Variants in SNRPN observed in about 807,000 individuals in gnomAD.
The protein encoded by SNRPN is small nuclear ribonucleoprotein polypeptide N.
SNRPN carries 7 observed loss-of-function variants against 25.2 expected under a neutral mutation model. That is an observed-to-expected ratio of 0.28 (90% CI 0.16 to 0.52). The LOEUF (loss-of-function observed/expected upper bound fraction) is 0.52. SNRPN is among the 20% of genes least tolerant of loss of function. SNRPN has a pLI of 0.96. For missense variants in SNRPN, 196 were observed against 322.5 expected (o/e 0.61, Z 3.00); for synonymous variants, 124 against 110.6 (o/e 1.12, Z -0.76).
At position 24,835,125 on chromosome 15, in the gene SNRPN, AATAT is replaced by A. The variant is rs372077126; in HGVS notation, c.-579+5224_-579+5227del. On this transcript the variant is annotated intron_variant, in intron 2 of 12. Coordinates refer to the SNRPN transcript ENST00000400100. ...ATATATACTATATATCTATATATAA[AATAT>A]ATAGATATATATACTATATATAAAA... is the stretch of plus-strand genomic sequence containing the variant. 1.5e-4 allele frequency among the ~76,000 whole-genome samples: 9 copies of A among 60,758 alleles called. 1 individual carries two copies. The highest frequency in any genetic ancestry group is 3.1e-4 in the Non-Finnish European group (9 of 28,596). The allele number at this position is 60,758 out of a possible 152,430, so 39.9% of individuals were successfully genotyped here. A position where few individuals can be genotyped will look rare whatever the true frequency, so the allele number is the denominator to read the frequency against.
chr15:24,939,132 AT>A (rs1240298525), intron 3 of SNRPN, among the ~76,000 whole-genome samples: 1 of 151,886 alleles, frequency 6.6e-6, no homozygotes, highest in Non-Finnish European at 1.5e-5. Context: ...CTTCTGTTGC[AT>A]TTTTTTTAGG....
At chr15:24,910,837 G>A (rs2059167071) in intron 2 of SNRPN, 1 of 556,490 alleles carries the variant, frequency 1.8e-6, no homozygotes, top group Admixed American at 2.8e-5. Flanking sequence ...TGTTTATTGA[G>A]ATGGTTTCCC....
chr15:24,928,107 G>A (rs116506364), intron 3 of SNRPN, among the ~76,000 whole-genome samples: 2,662 of 152,228 alleles, frequency 0.017, 79 homozygotes, highest in African/African-American at 0.061. Context: ...GCAGATGACA[G>A]GGAACTCTCC....
intron 1 of SNRPN, among the ~76,000 whole-genome samples, chr15:24,959,915 G>T (rs1424245863): frequency 6.6e-6 from 1 of 152,140 alleles, no homozygotes; most frequent in African/African-American, 2.4e-5. Flanking sequence ...TTGAAATTTT[G>T]TCTTTTTGGA....
Position 24,887,437 on chromosome 15 carries a change from C to T in SNRPN, c.-505+848C>T, listed in dbSNP as rs190940225. On this transcript the variant is annotated intron_variant, in intron 2 of 11. Transcript: ENST00000400097. ...TGCTGGGATTACCAGCATGAGCCAT[C>T]GCACCTGGCCTCACTGAGGTCTTAA... Among the ~76,000 whole-genome samples the T allele has an allele frequency of 5.4e-5, 8 of 148,994 alleles. No individual in the cohort carries two copies. The East Asian group carries it at 1.5e-3, about 28-fold the overall frequency.
At chr15:24,860,765 A>G (rs2053917768) in intron 1 of SNRPN, among the ~76,000 whole-genome samples, 3 of 152,234 alleles carry the variant, frequency 2.0e-5, no homozygotes, top group Admixed American at 6.5e-5. Context: ...CACTCAAAGT[A>G]TAGTTTCCAT....
chr15:24,841,412 A>G (rs572533844), intron 2 of SNRPN, among the ~76,000 whole-genome samples: 1 of 152,270 alleles, frequency 6.6e-6, no homozygotes, highest in East Asian at 1.9e-4. Flanking sequence ...CCACAAGTAC[A>G]TAAGCATTGT....
At chr15:24,945,785 G>A (rs1278086939) in intron 3 of SNRPN, among the ~76,000 whole-genome samples, 1 of 152,140 alleles carries the variant, frequency 6.6e-6, no homozygotes, top group Non-Finnish European at 1.5e-5. Flanking sequence ...GTTGCTATTA[G>A]TCTAGTCTTT....
At chr15:24,832,283 CG>C (rs34821001) in intron 2 of SNRPN, among the ~76,000 whole-genome samples, 21,397 of 151,800 alleles carry the variant, frequency 0.14, 1,761 homozygotes, top group East Asian at 0.28. Context: ...CAAGATATAA[CG>C]GGGACTTGTT....
intron 3 of SNRPN, among the ~76,000 whole-genome samples, chr15:24,922,890 CTTTTTTTTTTT>C (rs71412618): frequency 1.9e-4 from 13 of 68,170 alleles, no homozygotes; most frequent in Admixed American, 1.4e-3. Flanking sequence ...TAGGCAGATC[CTTTTTTTTTTT>C]TTTTTTTTTT....
chr15:24,921,479 G>A (rs2060019016), intron 3 of SNRPN, among the ~76,000 whole-genome samples: 1 of 152,210 alleles, frequency 6.6e-6, no homozygotes, highest in African/African-American at 2.4e-5. Context: ...GGAAGCAACT[G>A]TGATACGGAA....
At chr15:24,833,682 C>G in intron 2 of SNRPN, among the ~76,000 whole-genome samples, 1 of 145,838 alleles carries the variant, frequency 6.9e-6, no homozygotes, top group East Asian at 2.2e-4. Context: ...GGCAATAGAC[C>G]ATCAAGGAGA....
intron 2 of SNRPN, among the ~76,000 whole-genome samples, chr15:24,915,177 G>A (rs2059436052): frequency 1.3e-5 from 2 of 151,976 alleles, no homozygotes; most frequent in Admixed American, 6.6e-5. Flanking sequence ...ATCCAGGCTG[G>A]AGTGTAGTGG....
chr15:24,924,403 A>G (rs1204781014), intron 3 of SNRPN, among the ~76,000 whole-genome samples: 1 of 152,002 alleles, frequency 6.6e-6, no homozygotes, highest in Non-Finnish European at 1.5e-5. Context: ...CTCCTGTGAT[A>G]GGAGCCAATC....
intron 1 of SNRPN, 99 bp from the exon 2 acceptor site, chr15:24,962,015 T>C: frequency 2.0e-6 from 2 of 1,017,662 alleles, no homozygotes; most frequent in Non-Finnish European, 3.1e-6. Flanking sequence ...GATTTAAAAA[T>C]CCATTATATT....
At chr15:24,897,316 G>T (rs893355126) in intron 2 of SNRPN, among the ~76,000 whole-genome samples, 2 of 152,116 alleles carry the variant, frequency 1.3e-5, no homozygotes, top group African/African-American at 4.8e-5. Context: ...ACTGGATGTG[G>T]TGGCTCACAC....
At chr15:24,922,142 G>A (rs993084218) in intron 3 of SNRPN, among the ~76,000 whole-genome samples, 7 of 152,142 alleles carry the variant, frequency 4.6e-5, no homozygotes, top group Admixed American at 4.6e-4. Flanking sequence ...GAACCTGGGA[G>A]GCGGAGGTTG....
At chr15:24,827,368 A>C (rs2141105378) in intron 1 of SNRPN, among the ~76,000 whole-genome samples, 1 of 151,540 alleles carries the variant, frequency 6.6e-6, no homozygotes, top group South Asian at 2.1e-4. Context: ...CAAAAAAGTT[A>C]GTCGGGTGCG....
chr15:24,918,862 AAT>A lies in SNRPN; in HGVS notation c.-504-1140_-504-1139del, dbSNP rs1294569781. Among the ~76,000 whole-genome samples the A allele has an allele frequency of 1.9e-4, 21 of 110,478 alleles. 8 individuals are homozygous for A. Among genetic ancestry groups the A allele is most frequent in the African/African-American group, 4.0e-4 (10 of 24,982 alleles). The allele number at this position is 110,478 out of a possible 152,430, so 72.5% of individuals were successfully genotyped here. On this transcript the variant is annotated intron_variant, in intron 2 of 11. Transcript: ENST00000400097. Reference sequence around the variant, plus strand: ...ATATATATGCGCACATATATATAACAATATATATATGTGCATATATATATAAC... The same window carrying A: ...ATATATATGCGCACATATATATAACAATATATATGTGCATATATATATAAC...
Sources: gnomAD v4.1 joint callset for allele counts (sites outside exome capture counted in the v4.1 genomes callset) on GRCh38, gnomAD v4.1.1 for gene constraint, MANE v1.5 for transcripts, NCBI Gene and HGNC (gene_info 2026-07-23, HGNC 2026-07-21) for gene names.